IFNG-AS1: variants seen among roughly 807,000 people sequenced by gnomAD.
The protein encoded by IFNG-AS1 is IFNG regulatory antisense RNA 1.
intron 2 of IFNG-AS1, among the ~76,000 whole-genome samples, chr12:68,000,541 G>A (rs1458995403): frequency 2.0e-5 from 3 of 152,032 alleles, no homozygotes; most frequent in Admixed American, 1.3e-4. Context: ...GCATCGTGGT[G>A]CACACCTGTA....
At chr12:67,999,524 C>A (rs1040829420) in intron 2 of IFNG-AS1, among the ~76,000 whole-genome samples, 6 of 152,044 alleles carry the variant, frequency 3.9e-5, no homozygotes, top group African/African-American at 1.2e-4. Flanking sequence ...CTTGAAGGGG[C>A]CCCCAGTGGT....
In IFNG-AS1 at chr12:68,015,942, AC is replaced by A. The variant is rs970673712; in HGVS notation, n.242-3919del. Among the ~76,000 whole-genome samples, 15 of 12,416 alleles carry A rather than the reference AC, an allele frequency of 1.2e-3. No homozygotes were observed. The South Asian group carries it at 0.054, about 44-fold the overall frequency. The allele number at this position is 12,416 out of a possible 152,430, so 8.1% of individuals were successfully genotyped here. On this transcript the variant is annotated intron_variant and non_coding_transcript_variant, in intron 3 of 5. Transcript: ENST00000536914. ...CCATTTTCCTATCTGAAAACTAGAG[AC>A]GGGGGGGGGAAAAAAAACCTTTCCC...
intron 3 of IFNG-AS1, among the ~76,000 whole-genome samples, chr12:68,008,232 C>T (rs759509308): frequency 2.0e-5 from 3 of 151,978 alleles, no homozygotes; most frequent in Admixed American, 6.6e-5. Flanking sequence ...CTGGCTAACA[C>T]GGTGAAACCC....
At chr12:68,009,328 G>C (rs1430888532) in intron 3 of IFNG-AS1, among the ~76,000 whole-genome samples, 1 of 151,972 alleles carries the variant, frequency 6.6e-6, no homozygotes, top group Non-Finnish European at 1.5e-5. Flanking sequence ...TATTACATTG[G>C]AACAGTTTTT....
chr12:68,015,762 T>C (rs1323967235), intron 3 of IFNG-AS1, among the ~76,000 whole-genome samples: 1 of 152,094 alleles, frequency 6.6e-6, no homozygotes, highest in African/African-American at 2.4e-5. Flanking sequence ...AACAAAGCAA[T>C]AGAAAGATCA....
intron 1 of IFNG-AS1, among the ~76,000 whole-genome samples, chr12:67,993,551 G>C (rs1048212256): frequency 6.6e-6 from 1 of 152,060 alleles, no homozygotes; most frequent in Non-Finnish European, 1.5e-5. Flanking sequence ...CTAGATAAAA[G>C]AAATATACCA....
chr12:67,998,383 A>G (rs150694660), intron 2 of IFNG-AS1, among the ~76,000 whole-genome samples: 120 of 152,080 alleles, frequency 7.9e-4, no homozygotes, highest in Non-Finnish European at 1.5e-3. Context: ...AAAAAGAAAA[A>G]AGACAAAGTG....
chr12:68,011,565 C>G (rs1434744950), intron 3 of IFNG-AS1, among the ~76,000 whole-genome samples: 1 of 152,190 alleles, frequency 6.6e-6, no homozygotes, highest in African/African-American at 2.4e-5. Flanking sequence ...CCAGCAAATT[C>G]GAGCTCCCAA....
chr12:68,011,001 C>A (rs954081895), intron 3 of IFNG-AS1, among the ~76,000 whole-genome samples: 1 of 152,124 alleles, frequency 6.6e-6, no homozygotes, highest in Non-Finnish European at 1.5e-5. Flanking sequence ...TCAGACACTA[C>A]TATGAGGTAG....
At chr12:68,021,065 T>G (rs1265491860) in intron 4 of IFNG-AS1, 5 of 152,184 alleles carry the variant, frequency 3.3e-5, no homozygotes. Context: ...GGCACATCCC[T>G]TTATTGATCA....
In IFNG-AS1 at chr12:68,009,552, A is replaced by C. The variant is rs558513299; in HGVS notation, n.241+3406A>C. Among the ~76,000 whole-genome samples, 32 of 152,288 alleles carry C rather than the reference A, an allele frequency of 2.1e-4. No homozygotes were observed. In the Middle Eastern group the frequency reaches 0.014, roughly 65 times the overall value. ...GAGACGGGATTTCACTGTGTTAGCC[A>C]GGGTGGTCTCGATCTCTTGGCCTCG... On this transcript the variant is annotated intron_variant and non_coding_transcript_variant, in intron 3 of 5. Transcript: ENST00000536914.
intron 3 of IFNG-AS1, among the ~76,000 whole-genome samples, chr12:68,015,901 T>C (rs1279278886): frequency 6.6e-6 from 1 of 151,870 alleles, no homozygotes; most frequent in Non-Finnish European, 1.5e-5. Flanking sequence ...CCAAGTTACT[T>C]CACGGTTTAG....
At chr12:68,010,985 G>A (rs1880013094) in intron 3 of IFNG-AS1, among the ~76,000 whole-genome samples, 1 of 152,082 alleles carries the variant, frequency 6.6e-6, no homozygotes. Flanking sequence ...TTATCTCGTT[G>A]AATCTTCAGA....
At chr12:68,018,494 C>T (rs1489266283) in intron 3 of IFNG-AS1, among the ~76,000 whole-genome samples, 1 of 152,134 alleles carries the variant, frequency 6.6e-6, no homozygotes, top group Non-Finnish European at 1.5e-5. Flanking sequence ...TAGGCCCAAA[C>T]TTAAGCCTAA....
intron 2 of IFNG-AS1, among the ~76,000 whole-genome samples, chr12:68,003,688 G>A (rs1879835379): frequency 6.6e-6 from 1 of 152,130 alleles, no homozygotes; most frequent in Admixed American, 6.5e-5. Flanking sequence ...GCCAAGGCGG[G>A]TGGATCACGA....
In IFNG-AS1 at chr12:67,999,508, A is replaced by G. The variant is rs116485359; in HGVS notation, n.184+3435A>G. 4.0e-3 allele frequency among the ~76,000 whole-genome samples: 604 copies of G among 152,314 alleles called. 3 individuals are homozygous for G. The highest frequency in any genetic ancestry group is 0.014 in the African/African-American group (570 of 41,560). On this transcript the variant is annotated intron_variant and non_coding_transcript_variant, in intron 2 of 5. Coordinates refer to ENST00000536914, the Ensembl canonical transcript of IFNG-AS1. The stretch of plus-strand genomic sequence containing the variant: ...TGGACACATGTTGAAAGGACACAGA[A>G]GCCAACTTGAAGGGGCCCCCAGTGG...
chr12:68,003,622 A>T (rs1222784958), intron 2 of IFNG-AS1, among the ~76,000 whole-genome samples: 1 of 152,090 alleles, frequency 6.6e-6, no homozygotes, highest in African/African-American at 2.4e-5. Flanking sequence ...AAGCTTACAG[A>T]ATCCGTATTA....
intron 2 of IFNG-AS1, among the ~76,000 whole-genome samples, chr12:67,997,829 C>A (rs1403403603): frequency 6.6e-6 from 1 of 151,444 alleles, no homozygotes; most frequent in Non-Finnish European, 1.5e-5. Flanking sequence ...AAATATTGAA[C>A]TAGATAAAGA....
At position 68,012,611 on chromosome 12, in the gene IFNG-AS1, G is replaced by C. The variant is rs532787226; in HGVS notation, n.241+6465G>C. 5.6e-4 allele frequency among the ~76,000 whole-genome samples: 80 copies of C among 142,864 alleles called. 1 individual carries two copies. The South Asian group carries it at 0.017, about 30-fold the overall frequency. The allele number at this position is 142,864 out of a possible 152,430, so 93.7% of individuals were successfully genotyped here. The stretch of plus-strand genomic sequence containing the variant: ...GACACAATCTGGGCCAGTGGTTTGA[G>C]GGGGTGAAGAATCTGGATTCCCTCA... On this transcript the variant is annotated intron_variant and non_coding_transcript_variant, in intron 3 of 5. Transcript: ENST00000536914.
Sources: allele counts gnomAD v4.1 joint callset (sites outside exome capture counted in the v4.1 genomes callset), GRCh38; gene constraint gnomAD v4.1.1; transcripts MANE v1.5; gene names NCBI Gene and HGNC (gene_info 2026-07-23, HGNC 2026-07-21).